Variants in GRIP1 observed in about 807,000 individuals in gnomAD.
GRIP1 encodes the protein glutamate receptor-interacting protein 1.
Under a neutral mutation model 129.9 loss-of-function variants are expected in GRIP1, and 45 were observed. The ratio of observed to expected loss-of-function variants is 0.35; its 90% CI spans 0.27 to 0.44. GRIP1 has a LOEUF of 0.44. Among genes scored for constraint, GRIP1 ranks in the 20% least tolerant of loss-of-function variants. The probability of loss-of-function intolerance (pLI) is 1.00; values close to 1 mark genes in which losing one functional copy is unlikely to be tolerated. For missense variants in GRIP1, 1,196 were observed against 1,396.8 expected (o/e 0.86, Z 2.29); for synonymous variants, 530 against 520.8 (o/e 1.02, Z -0.24).
intron 1 of GRIP1, among the ~76,000 whole-genome samples, chr12:66,800,589 A>T (rs2038829968): frequency 1.3e-5 from 2 of 152,150 alleles, no homozygotes; most frequent in African/African-American, 2.4e-5. Flanking sequence ...AATACACATG[A>T]CAATAGAATC....
chr12:66,917,978 A>ACACACG (rs1443520478), intron 1 of GRIP1, among the ~76,000 whole-genome samples: 2 of 149,116 alleles, frequency 1.3e-5, no homozygotes, highest in Non-Finnish European at 3.0e-5. Flanking sequence ...ACACACACGG[A>ACACACG]GAGAGAGAGA....
chr12:66,911,272 T>C (rs1421036420), intron 1 of GRIP1, among the ~76,000 whole-genome samples: 1 of 152,208 alleles, frequency 6.6e-6, no homozygotes, highest in African/African-American at 2.4e-5. Context: ...TACAAAATGG[T>C]TGATTATGCT....
rs1448686035 is a variant in GRIP1, at chr12:66,572,880, G to T, written c.136+23967C>A. ...TGCCATGGAGGACGGTGTTCTCTAT[G>T]ATCTCATATGTTTTCTATATGACAG... On this transcript the variant is annotated intron_variant, in intron 2 of 24. Transcript: ENST00000359742. 2.0e-5 allele frequency among the ~76,000 whole-genome samples: 3 copies of T among 152,084 alleles called. No individual in the cohort carries two copies. In the East Asian group the frequency reaches 5.8e-4, roughly 29 times the overall value.
chr12:66,503,606 TGAG>T (rs1454798239), intron 7 of GRIP1, among the ~76,000 whole-genome samples: 4 of 152,190 alleles, frequency 2.6e-5, no homozygotes, highest in African/African-American at 9.6e-5. Flanking sequence ...TTCTTTCTTC[TGAG>T]GAGGCAAGAA....
chr12:66,574,787 CTT>C (rs34596150), intron 2 of GRIP1, among the ~76,000 whole-genome samples: 14 of 110,474 alleles, frequency 1.3e-4, no homozygotes, highest in Admixed American at 9.5e-5. Context: ...TCCCACTTTT[CTT>C]TTTTTTTTTT....
chr12:66,594,534 T>C (rs1283890448), intron 2 of GRIP1, among the ~76,000 whole-genome samples: 2 of 152,166 alleles, frequency 1.3e-5, no homozygotes, highest in Non-Finnish European at 2.9e-5. Context: ...TGTTAGTGTA[T>C]TTTATGTGTG....
At chr12:66,490,595 A>G (rs1337292783) in intron 7 of GRIP1, among the ~76,000 whole-genome samples, 1 of 152,196 alleles carries the variant, frequency 6.6e-6, no homozygotes, top group Non-Finnish European at 1.5e-5. Context: ...GAAAATACTA[A>G]AAGCAAAAAT....
intron 20 of GRIP1, among the ~76,000 whole-genome samples, chr12:66,378,476 G>A (rs572056008): frequency 8.7e-4 from 128 of 146,934 alleles, no homozygotes; most frequent in African/African-American, 3.2e-3. Flanking sequence ...GGCTGGGCAC[G>A]GTGGCTCACA....
intron 1 of GRIP1, among the ~76,000 whole-genome samples, chr12:66,818,133 T>C (rs2039257048): frequency 6.6e-6 from 1 of 152,242 alleles, no homozygotes; most frequent in Non-Finnish European, 1.5e-5. Context: ...TGTTCTTTCT[T>C]ACATCTAGAA....
In GRIP1 at chr12:66,640,197, A is replaced by G. The variant is rs147854947; in HGVS notation, c.55+38653T>C. On this transcript the variant is annotated intron_variant, in intron 1 of 24. Transcript: ENST00000359742. The stretch of plus-strand genomic sequence containing the variant: ...ACACCGTAGTATAATTGTTGCTGTT[A>G]TGCTTATTTGAATTACTACTAAACT... Among the ~76,000 whole-genome samples, 21 of 152,300 alleles carry G rather than the reference A, an allele frequency of 1.4e-4. No homozygotes were observed. The East Asian group carries it at 4.1e-3, about 29-fold the overall frequency.
At chr12:67,019,378 A>G (rs1460735544) in intron 1 of GRIP1, among the ~76,000 whole-genome samples, 1 of 152,200 alleles carries the variant, frequency 6.6e-6, no homozygotes, top group African/African-American at 2.4e-5. Context: ...CTGTAGGTGC[A>G]CAGAGGCTCA....
Position 66,645,808 on chromosome 12 carries a change from C to T in GRIP1, c.55+33042G>A, listed in dbSNP as rs189615293. 2.8e-3 allele frequency among the ~76,000 whole-genome samples: 422 copies of T among 152,168 alleles called. 3 individuals carry two copies. The highest frequency in any genetic ancestry group is 9.8e-3 in the African/African-American group (406 of 41,494). ...AACTCAGAGAATAATGAAAGCTTAC[C>T]ACTATTTGACTTAGCAAGAAATTCA... On this transcript the variant is annotated intron_variant, in intron 1 of 24. Transcript: ENST00000359742.
intron 1 of GRIP1, among the ~76,000 whole-genome samples, chr12:66,778,860 G>A (rs890291520): frequency 3.9e-5 from 6 of 152,164 alleles, no homozygotes; most frequent in African/African-American, 1.4e-4. Flanking sequence ...AAGCTGTGGA[G>A]CTTGTACCAA....
chr12:66,750,285 T>C (rs1490597583), intron 1 of GRIP1, among the ~76,000 whole-genome samples: 1 of 152,216 alleles, frequency 6.6e-6, no homozygotes, highest in Non-Finnish European at 1.5e-5. Flanking sequence ...CCTTGATCCT[T>C]TCATCATCCC....
chr12:66,976,412 A>G (rs2042152049), intron 1 of GRIP1, among the ~76,000 whole-genome samples: 1 of 152,200 alleles, frequency 6.6e-6, no homozygotes, highest in South Asian at 2.1e-4. Flanking sequence ...GCTGGCATAC[A>G]AACAAATGCA....
intron 1 of GRIP1, among the ~76,000 whole-genome samples, chr12:66,950,658 A>C (rs1447594257): frequency 6.6e-6 from 1 of 152,044 alleles, no homozygotes; most frequent in African/African-American, 2.4e-5. Context: ...AAATTCCTAA[A>C]GTTTGTGTGT....
At chr12:66,834,820 C>T (rs2039581728) in intron 1 of GRIP1, among the ~76,000 whole-genome samples, 1 of 150,178 alleles carries the variant, frequency 6.7e-6, no homozygotes, top group African/African-American at 2.4e-5. Flanking sequence ...CCTTGGGAGG[C>T]TGAGGCAGGA....
intron 19 of GRIP1, among the ~76,000 whole-genome samples, chr12:66,384,058 G>A (rs970290710): frequency 1.4e-4 from 22 of 152,308 alleles, no homozygotes; most frequent in Admixed American, 1.4e-3. Context: ...TTACATACCA[G>A]CTCGAAGTGC....
At chr12:66,547,281 C>T (rs2061975819) in intron 2 of GRIP1, among the ~76,000 whole-genome samples, 1 of 85,574 alleles carries the variant, frequency 1.2e-5, no homozygotes, top group Admixed American at 1.2e-4. Flanking sequence ...ACACCAAATG[C>T]TGGTGAGGAT....
Sources: allele counts gnomAD v4.1 joint callset (sites outside exome capture counted in the v4.1 genomes callset), GRCh38; gene constraint gnomAD v4.1.1; transcripts MANE v1.5; gene names NCBI Gene and HGNC (gene_info 2026-07-23, HGNC 2026-07-21).